The following GPALPP1 variants were observed in gnomAD, a reference collection of about 807,000 sequenced individuals.
The protein encoded by GPALPP1 is GPALPP motifs-containing protein 1.
Under a neutral mutation model 38.9 loss-of-function variants are expected in GPALPP1, and 30 were observed. The observed-to-expected ratio is 0.77, with a 90% CI of 0.58 to 1.05. GPALPP1 has a LOEUF of 1.05. Among genes scored for constraint, GPALPP1 ranks in the 50% least tolerant of loss-of-function variants. GPALPP1 has a pLI of 0.00. For synonymous variants in GPALPP1, 120 were observed against 139.2 expected (o/e 0.86, Z 0.97); for missense variants, 384 against 408.8 (o/e 0.94, Z 0.52).
intron 1 of GPALPP1, among the ~76,000 whole-genome samples, chr13:44,995,853 G>A (rs1186067157): frequency 6.6e-6 from 1 of 152,194 alleles, no homozygotes; most frequent in Non-Finnish European, 1.5e-5. Context: ...TGGTCCTGCT[G>A]GTGCCAAGAC....
chr13:45,015,631 G>C (rs767845746), intron 6 of GPALPP1, 35 bp downstream of exon 6: 1 of 1,349,644 alleles, frequency 7.4e-7, no homozygotes, highest in East Asian at 2.7e-5. Flanking sequence ...ATGTATTTCT[G>C]TTCATGTTGG....
chr13:45,003,969 T>C (rs1410537207), intron 1 of GPALPP1, among the ~76,000 whole-genome samples: 1 of 151,716 alleles, frequency 6.6e-6, no homozygotes, highest in Non-Finnish European at 1.5e-5. Context: ...TGTTTTTTTG[T>C]TTTTTTTGGC....
At chr13:45,005,463 T>G (rs1016232387) in intron 2 of GPALPP1, among the ~76,000 whole-genome samples, 3 of 152,166 alleles carry the variant, frequency 2.0e-5, no homozygotes, top group Non-Finnish European at 4.4e-5. Context: ...AGTCAAATCT[T>G]TGTTTATTAT....
intron 4 of GPALPP1, among the ~76,000 whole-genome samples, chr13:45,011,636 T>C (rs1874485229): frequency 1.3e-5 from 2 of 152,178 alleles, no homozygotes; most frequent in South Asian, 4.1e-4. Flanking sequence ...GATTGAATTA[T>C]CTCCACCTGG....
chr13:44,994,597 C>G (rs1372584797), intron 1 of GPALPP1, among the ~76,000 whole-genome samples: 15 of 152,136 alleles, frequency 9.9e-5, no homozygotes, highest in Admixed American at 7.9e-4. Context: ...TCCTCCCATC[C>G]CTTAGTTTCG....
At chr13:45,023,304 CAGT>C (rs915010693) in intron 7 of GPALPP1, among the ~76,000 whole-genome samples, 1 of 151,226 alleles carries the variant, frequency 6.6e-6, no homozygotes, top group Non-Finnish European at 1.5e-5. Context: ...ATCAGACCAA[CAGT>C]AGTACACCTG....
intron 7 of GPALPP1, among the ~76,000 whole-genome samples, chr13:45,025,485 G>A (rs1442120715): frequency 6.6e-6 from 1 of 152,092 alleles, no homozygotes; most frequent in African/African-American, 2.4e-5. Flanking sequence ...TGAGGATATA[G>A]TAAATGCTCA....
At chr13:44,990,227 T>C in intron 1 of GPALPP1, 1 of 329,716 alleles carries the variant, frequency 3.0e-6, no homozygotes, top group Non-Finnish European at 5.5e-6. Context: ...CGACCTGCCT[T>C]CCTAGCCTCT....
rs556565435 is a variant in GPALPP1 at position 45,005,894 on chromosome 13, C to T, written c.222-308C>T. ...TACAAAAATTAGCTGGGCGTGGTGG[C>T]GCTTCCCTGTAATCCCAGCTACTTG... On this transcript the variant is annotated intron_variant, in intron 2 of 7. Coordinates refer to ENST00000379151, the MANE Select transcript of GPALPP1 (RefSeq NM_018559.5). Among the ~76,000 whole-genome samples the T allele has an allele frequency of 6.8e-4, 103 of 152,090 alleles. 2 individuals carry two copies. Among genetic ancestry groups the T allele is most frequent in the Admixed American group, 2.7e-3 (41 of 15,276 alleles).
chr13:45,034,268 A>G (rs1876327084), downstream of GPALPP1: 1 of 152,224 alleles, frequency 6.6e-6, no homozygotes, highest in Admixed American at 6.5e-5. Context: ...GTATTCACAG[A>G]TAAGTAAAGC....
intron 7 of GPALPP1, among the ~76,000 whole-genome samples, chr13:45,026,387 C>G (rs919865610): frequency 6.6e-6 from 1 of 152,134 alleles, no homozygotes; most frequent in African/African-American, 2.4e-5. Flanking sequence ...TTGACAAAGT[C>G]ATTTCTGGTT....
chr13:44,998,555 T>C (rs187321034), intron 1 of GPALPP1, among the ~76,000 whole-genome samples: 2 of 152,362 alleles, frequency 1.3e-5, no homozygotes, highest in African/African-American at 4.8e-5. Context: ...TTTCTAAATG[T>C]GATGACTCTT....
chr13:45,010,132 T>G (rs1470433070), intron 4 of GPALPP1, among the ~76,000 whole-genome samples: 2 of 152,234 alleles, frequency 1.3e-5, no homozygotes, highest in Non-Finnish European at 1.5e-5. Context: ...TCTGATTTTA[T>G]CTTTTGCTTT....
At chr13:45,011,508 T>C (rs1874475088) in intron 4 of GPALPP1, among the ~76,000 whole-genome samples, 1 of 152,118 alleles carries the variant, frequency 6.6e-6, no homozygotes, top group African/African-American at 2.4e-5. Flanking sequence ...CATCTTCACA[T>C]GGCAGCACCA....
At chr13:45,034,364 A>G (rs555947585), downstream of GPALPP1, 1 of 152,340 alleles carries the variant, frequency 6.6e-6, no homozygotes, top group Non-Finnish European at 1.5e-5. Flanking sequence ...CACATTGTTG[A>G]TAGGTGTTAG....
At chr13:45,005,686 T>A (rs552632420) in intron 2 of GPALPP1, among the ~76,000 whole-genome samples, 1 of 152,204 alleles carries the variant, frequency 6.6e-6, no homozygotes, top group Non-Finnish European at 1.5e-5. Flanking sequence ...ATAACCAATC[T>A]GTATTTTAGG....
intron 6 of GPALPP1, among the ~76,000 whole-genome samples, chr13:45,017,282 ACT>A (rs1221609572): frequency 6.6e-6 from 1 of 152,060 alleles, no homozygotes; most frequent in African/African-American, 2.4e-5. Flanking sequence ...ACACTTGAGC[ACT>A]CTGCCTGCAT....
chr13:45,019,224 T>C (rs115479006), intron 6 of GPALPP1, among the ~76,000 whole-genome samples: 9,429 of 150,962 alleles, frequency 0.062, 441 homozygotes, highest in East Asian at 0.2. Context: ...CTCAGTTCAA[T>C]GCAACCTTTG....
intron 1 of GPALPP1, chr13:45,001,604 T>G (rs984823794): frequency 6.6e-6 from 1 of 152,116 alleles, no homozygotes; most frequent in East Asian, 1.9e-4. Context: ...CTTTTTTTTT[T>G]CTTCTCACCT....
Sources: gnomAD v4.1 joint callset for allele counts (sites outside exome capture counted in the v4.1 genomes callset) on GRCh38, gnomAD v4.1.1 for gene constraint, MANE v1.5 for transcripts, NCBI Gene and HGNC (gene_info 2026-07-23, HGNC 2026-07-21) for gene names.